The following DTNB variants were observed in gnomAD, a reference collection of about 807,000 sequenced individuals.
DTNB encodes dystrobrevin beta.
Under a neutral mutation model 90.7 loss-of-function variants are expected in DTNB, and 63 were observed. The ratio of observed to expected loss-of-function variants is 0.69; its 90% CI spans 0.57 to 0.86. The LOEUF (loss-of-function observed/expected upper bound fraction) is 0.86, where lower values mean the gene tolerates loss of function less well. Ranked by LOEUF, DTNB falls within the 40% of genes least tolerant of loss-of-function variation. The pLI, the probability that DTNB is intolerant of heterozygous loss-of-function variation, is 0.00. For missense variants in DTNB, 744 were observed against 807.1 expected, an observed-to-expected ratio of 0.92 and a Z score of 0.95; for synonymous variants, 277 against 286.7, an observed-to-expected ratio of 0.97 and a Z score of 0.34.
At chr2:25,435,262 C>A (rs2055331260) in intron 12 of DTNB, among the ~76,000 whole-genome samples, 1 of 152,182 alleles carries the variant, frequency 6.6e-6, no homozygotes, top group Non-Finnish European at 1.5e-5. Flanking sequence ...CTCAAATAAT[C>A]CACCCACCTT....
At chr2:25,591,673 T>C (rs1293315375) in intron 6 of DTNB, among the ~76,000 whole-genome samples, 1 of 152,188 alleles carries the variant, frequency 6.6e-6, no homozygotes, top group East Asian at 1.9e-4. Context: ...TACTCTACTA[T>C]GTTCAGACAA....
intron 15 of DTNB, 138 bp from the exon 16 acceptor site, chr2:25,419,673 A>T: frequency 9.0e-7 from 1 of 1,105,808 alleles, no homozygotes; most frequent in Middle Eastern, 3.0e-4. Context: ...AGGTGCTGAG[A>T]TCAAAGGCCC....
At chr2:25,547,763 G>T (rs2082740387) in intron 8 of DTNB, among the ~76,000 whole-genome samples, 3 of 152,282 alleles carry the variant, frequency 2.0e-5, no homozygotes, top group South Asian at 4.1e-4. Flanking sequence ...AGTTTTGAAA[G>T]AACTCACCTG....
At chr2:25,476,069 T>A (rs914314149) in intron 10 of DTNB, among the ~76,000 whole-genome samples, 1 of 141,506 alleles carries the variant, frequency 7.1e-6, no homozygotes, top group African/African-American at 2.5e-5. Flanking sequence ...GAAGTAATTT[T>A]TTTTTTTTTT....
chr2:25,531,365 C>A, intron 9 of DTNB, 108 bp downstream of exon 9: 1 of 1,468,156 alleles, frequency 6.8e-7, no homozygotes, highest in Non-Finnish European at 9.0e-7. Flanking sequence ...AAGTAAAAAC[C>A]TGAGAAGTTG....
At chr2:25,664,455 T>C (rs1038999609) in intron 1 of DTNB, among the ~76,000 whole-genome samples, 1 of 152,224 alleles carries the variant, frequency 6.6e-6, no homozygotes, top group African/African-American at 2.4e-5. Flanking sequence ...AACTAAAACA[T>C]GTGCTAAAAC....
At chr2:25,474,444 A>G (rs2063385626) in intron 10 of DTNB, among the ~76,000 whole-genome samples, 1 of 152,224 alleles carries the variant, frequency 6.6e-6, no homozygotes, top group Non-Finnish European at 1.5e-5. Context: ...ACAGGTGGGA[A>G]GAGAATCCAT....
chr2:25,514,245 GA>G (rs1395350748), intron 9 of DTNB, among the ~76,000 whole-genome samples: 2 of 152,116 alleles, frequency 1.3e-5, no homozygotes. Flanking sequence ...TAAGCCATGT[GA>G]GTATGAGGAT....
At chr2:25,406,749 C>T (rs889133460) in intron 16 of DTNB, among the ~76,000 whole-genome samples, 4 of 152,058 alleles carry the variant, frequency 2.6e-5, no homozygotes, top group Non-Finnish European at 4.4e-5. Context: ...GGATGGTCTG[C>T]CCAGGGCTAT....
chr2:25,642,450 T>C (rs1017903322), intron 2 of DTNB, among the ~76,000 whole-genome samples: 8 of 151,892 alleles, frequency 5.3e-5, no homozygotes, highest in African/African-American at 1.7e-4. Context: ...GGTCTCACTA[T>C]GTTGCCCAAG....
At chr2:25,445,837 G>A (rs555032344) in intron 12 of DTNB, among the ~76,000 whole-genome samples, 3 of 151,522 alleles carry the variant, frequency 2.0e-5, no homozygotes, top group East Asian at 1.9e-4. Flanking sequence ...TATAACCTCC[G>A]GTAGTTAAAT....
chr2:25,597,681 C>A (rs1478738298), intron 5 of DTNB, among the ~76,000 whole-genome samples: 3 of 152,174 alleles, frequency 2.0e-5, no homozygotes, highest in African/African-American at 7.2e-5. Context: ...GGGAAAAAAT[C>A]CAGCAAGAGA....
chr2:25,617,936 T>A (rs928780098), intron 4 of DTNB, among the ~76,000 whole-genome samples: 2 of 152,168 alleles, frequency 1.3e-5, no homozygotes, highest in Non-Finnish European at 2.9e-5. Flanking sequence ...CCAGTATAAC[T>A]TGGCATAAAG....
chr2:25,594,844 AAT>A (rs1203588950), intron 6 of DTNB: 1 of 152,232 alleles, frequency 6.6e-6, no homozygotes, highest in Non-Finnish European at 1.5e-5. Flanking sequence ...ATTACGTACA[AAT>A]ATCAAAATCA....
intron 8 of DTNB, among the ~76,000 whole-genome samples, chr2:25,532,245 CAAA>C (rs11352371): frequency 1.2e-4 from 9 of 74,290 alleles, no homozygotes; most frequent in South Asian, 4.9e-4. Flanking sequence ...AACTCTGTCT[CAAA>C]AAAAAAAAAA....
chr2:25,403,501 CT>C (rs1463429840), intron 16 of DTNB, among the ~76,000 whole-genome samples: 1 of 152,150 alleles, frequency 6.6e-6, no homozygotes, highest in East Asian at 1.9e-4. Context: ...AGAAAAATAC[CT>C]ATACAATGAA....
At chr2:25,529,741 G>T (rs942493270) in intron 9 of DTNB, among the ~76,000 whole-genome samples, 4 of 152,158 alleles carry the variant, frequency 2.6e-5, no homozygotes, top group Non-Finnish European at 5.9e-5. Flanking sequence ...TGCACAAAAG[G>T]ATCCACAGAA....
intron 6 of DTNB, among the ~76,000 whole-genome samples, chr2:25,587,939 C>A (rs375445042): frequency 8.5e-5 from 13 of 152,224 alleles, no homozygotes; most frequent in African/African-American, 1.2e-4. Context: ...AAGCACTCAG[C>A]CAATTTAACT....
At chr2:25,385,283 A>G (rs2039164139) in intron 18 of DTNB, among the ~76,000 whole-genome samples, 1 of 152,238 alleles carries the variant, frequency 6.6e-6, no homozygotes, top group Admixed American at 6.5e-5. Context: ...TATAGAATAT[A>G]TGTAAAGATA....
Sources: allele counts gnomAD v4.1 joint callset (sites outside exome capture counted in the v4.1 genomes callset), GRCh38; gene constraint gnomAD v4.1.1; transcripts MANE v1.5; gene names NCBI Gene and HGNC (gene_info 2026-07-23, HGNC 2026-07-21).